Variants in MARCHF1 observed in about 807,000 individuals in gnomAD.
MARCHF1 encodes E3 ubiquitin-protein ligase MARCHF1.
In MARCHF1, 40 loss-of-function variants were observed where a neutral mutation model predicts 54.2. The ratio of observed to expected loss-of-function variants is 0.74; its 90% CI spans 0.57 to 0.96. The LOEUF (loss-of-function observed/expected upper bound fraction) is 0.96, where lower values mean the gene tolerates loss of function less well. Ranked by LOEUF, MARCHF1 falls within the 40% of genes least tolerant of loss-of-function variation. MARCHF1 has a pLI of 0.00. For missense variants in MARCHF1, 586 were observed against 656.5 expected, an observed-to-expected ratio of 0.89 and a Z score of 1.17; for synonymous variants, 236 against 236.3, an observed-to-expected ratio of 1.00 and a Z score of 0.01.
At chr4:164,210,503 T>C (rs1214577940) in intron 1 of MARCHF1, among the ~76,000 whole-genome samples, 1 of 152,114 alleles carries the variant, frequency 6.6e-6, no homozygotes, top group South Asian at 2.1e-4. Flanking sequence ...TGTTACCCAG[T>C]TGGGTAAGTC....
At chr4:164,329,364 G>C (rs1408147363) in intron 1 of MARCHF1, among the ~76,000 whole-genome samples, 3 of 151,846 alleles carry the variant, frequency 2.0e-5, no homozygotes, top group Non-Finnish European at 4.4e-5. Flanking sequence ...TCACCAGCAT[G>C]TGATTTAAAA....
At position 164,053,293 on chromosome 4, in the gene MARCHF1, GA is replaced by G. The variant is rs1754413437; in HGVS notation, c.-248+58294del. 2.0e-5 allele frequency among the ~76,000 whole-genome samples: 3 copies of G among 152,034 alleles called. 1 individual carries two copies. Among genetic ancestry groups the G allele is most frequent in the Admixed American group, 6.6e-5 (1 of 15,262 alleles). On this transcript the variant is annotated intron_variant, in intron 2 of 9. Transcript: ENST00000514618. ...CTCACGGTTTTAAACTACATGAAAT[GA>G]CCGATATTTGGGCATTTTTGACCTG... is the stretch of plus-strand genomic sequence containing the variant.
At chr4:163,888,826 T>C (rs1750594594) in intron 3 of MARCHF1, among the ~76,000 whole-genome samples, 2 of 152,132 alleles carry the variant, frequency 1.3e-5, no homozygotes, top group Non-Finnish European at 2.9e-5. Context: ...CTCTCTTATG[T>C]CCCTATCATC....
intron 3 of MARCHF1, among the ~76,000 whole-genome samples, chr4:163,987,673 G>A (rs1752896323): frequency 6.6e-6 from 1 of 152,214 alleles, no homozygotes. Context: ...GAGACAAGAA[G>A]ATTACAGTTT....
intron 4 of MARCHF1, among the ~76,000 whole-genome samples, chr4:163,799,799 G>A (rs142872894): frequency 6.6e-6 from 1 of 152,046 alleles, no homozygotes; most frequent in African/African-American, 2.4e-5. Flanking sequence ...GTACCCAAAA[G>A]AAAACAAATC....
At chr4:163,751,987 G>A (rs538258432) in intron 4 of MARCHF1, among the ~76,000 whole-genome samples, 1 of 152,208 alleles carries the variant, frequency 6.6e-6, no homozygotes, top group East Asian at 1.9e-4. Context: ...TAGGTGAAAT[G>A]TGCACAATAT....
chr4:164,106,924 T>C (rs1755717916), intron 2 of MARCHF1, among the ~76,000 whole-genome samples: 1 of 152,182 alleles, frequency 6.6e-6, no homozygotes. Context: ...AAGGTATCTA[T>C]CAAAGGCTGA....
chr4:164,052,870 C>T (rs920346316), intron 2 of MARCHF1, among the ~76,000 whole-genome samples: 1 of 151,942 alleles, frequency 6.6e-6, no homozygotes, highest in South Asian at 2.1e-4. Context: ...ATTTATACCT[C>T]GATTATCTTA....
Position 163,766,267 on chromosome 4 carries a change from G to A in MARCHF1, c.112-65404C>T, listed in dbSNP as rs913476122. Among the ~76,000 whole-genome samples the A allele has an allele frequency of 3.9e-5, 6 of 151,946 alleles. No homozygotes were observed. In the East Asian group the frequency reaches 5.8e-4, roughly 15 times the overall value. On this transcript the variant is annotated intron_variant, in intron 4 of 9. Coordinates refer to ENST00000514618, the MANE Select transcript of MARCHF1 (RefSeq NM_001394959.1). Reference sequence around the variant, plus strand: ...TAAAGGAAAAATGAATAGGGTAAGCGTCATCCAGAGCAAACCAATATAACT... The same window carrying A: ...TAAAGGAAAAATGAATAGGGTAAGCATCATCCAGAGCAAACCAATATAACT...
At position 164,251,471 on chromosome 4, in the gene MARCHF1, C is replaced by T. The variant is rs565810036; in HGVS notation, c.-323+132399G>A. Among the ~76,000 whole-genome samples the T allele has an allele frequency of 2.0e-5, 3 of 152,162 alleles. No individual in the cohort carries two copies. In the South Asian group the frequency reaches 6.2e-4, roughly 31 times the overall value. ...GCTTCTAGTCAAATCCTGCACAGCC[C>T]CACAGATGCCAAATTTTAGCCTCAG... is the stretch of plus-strand genomic sequence containing the variant. On this transcript the variant is annotated intron_variant, in intron 1 of 9. Coordinates refer to ENST00000514618, the MANE Select transcript of MARCHF1 (RefSeq NM_001394959.1).
intron 4 of MARCHF1, among the ~76,000 whole-genome samples, chr4:163,724,158 T>C (rs1745574087): frequency 6.6e-6 from 1 of 152,246 alleles, no homozygotes; most frequent in South Asian, 2.1e-4. Context: ...TGTGGTTTTA[T>C]CTACCTTTGG....
At chr4:164,138,385 G>C (rs1442585338) in intron 1 of MARCHF1, among the ~76,000 whole-genome samples, 1 of 152,060 alleles carries the variant, frequency 6.6e-6, no homozygotes, top group African/African-American at 2.4e-5. Context: ...GATTTCAAGA[G>C]TCAGTGAGCC....
At chr4:164,377,508 C>A (rs1361520261) in intron 1 of MARCHF1, among the ~76,000 whole-genome samples, 1 of 151,960 alleles carries the variant, frequency 6.6e-6, no homozygotes, top group African/African-American at 2.4e-5. Flanking sequence ...TTTTTCACTC[C>A]ATAAATGTAG....
intron 3 of MARCHF1, among the ~76,000 whole-genome samples, chr4:163,900,708 T>A (rs531175385): frequency 6.6e-6 from 1 of 152,286 alleles, no homozygotes; most frequent in South Asian, 2.1e-4. Flanking sequence ...TCATTTTAGA[T>A]ATTTTGTCTT....
chr4:163,982,274 T>C (rs1752778400), intron 3 of MARCHF1, among the ~76,000 whole-genome samples: 1 of 152,192 alleles, frequency 6.6e-6, no homozygotes, highest in Non-Finnish European at 1.5e-5. Context: ...AAAAAGAGAA[T>C]TAGCCTTTCT....
At chr4:164,298,260 T>C (rs1163646733) in intron 1 of MARCHF1, among the ~76,000 whole-genome samples, 1 of 152,056 alleles carries the variant, frequency 6.6e-6, no homozygotes, top group East Asian at 1.9e-4. Context: ...AAAACTAAAA[T>C]AGATTAAAAT....
chr4:163,976,295 T>C (rs1752648216), intron 3 of MARCHF1, among the ~76,000 whole-genome samples: 1 of 152,152 alleles, frequency 6.6e-6, no homozygotes, highest in Non-Finnish European at 1.5e-5. Context: ...ACTAGAACTG[T>C]ACCCAAGAAA....
intron 1 of MARCHF1, among the ~76,000 whole-genome samples, chr4:164,244,485 A>C (rs1295254048): frequency 5.5e-5 from 8 of 146,616 alleles, no homozygotes; most frequent in African/African-American, 9.9e-5. Context: ...TATAGCACTA[A>C]ATGCCCACAA....
At chr4:164,146,485 A>G (rs1375091684) in intron 1 of MARCHF1, among the ~76,000 whole-genome samples, 2 of 152,224 alleles carry the variant, frequency 1.3e-5, no homozygotes, top group Non-Finnish European at 2.9e-5. Context: ...ATATAGATCA[A>G]TGGATCAGAA....
Sources: allele counts gnomAD v4.1 joint callset (sites outside exome capture counted in the v4.1 genomes callset), GRCh38; gene constraint gnomAD v4.1.1; transcripts MANE v1.5; gene names NCBI Gene and HGNC (gene_info 2026-07-23, HGNC 2026-07-21).